The following ZNF395 variants were observed in gnomAD, a reference collection of about 807,000 sequenced individuals.
ZNF395 encodes the protein zinc finger protein 395, also known as HD gene regulatory region-binding protein 2.
ZNF395 carries 20 observed loss-of-function variants against 57.7 expected under a neutral mutation model. That is an observed-to-expected ratio of 0.35 (90% CI 0.24 to 0.50). The LOEUF (loss-of-function observed/expected upper bound fraction) is 0.50, where lower values mean the gene tolerates loss of function less well. Among genes scored for constraint, ZNF395 ranks in the 20% least tolerant of loss-of-function variants. ZNF395 has a pLI of 0.97. For missense variants in ZNF395, 606 were observed against 671.2 expected (o/e 0.90, Z 1.07); for synonymous variants, 295 against 275.9 (o/e 1.07, Z -0.69).
chr8:28,382,664 T>C (rs1802123064), intron 1 of ZNF395, among the ~76,000 whole-genome samples: 1 of 152,224 alleles, frequency 6.6e-6, no homozygotes, highest in Non-Finnish European at 1.5e-5. Context: ...TGCTCCTTAA[T>C]CAAGGTGTCT....
chr8:28,351,368 T>C (rs1359987557), intron 7 of ZNF395, 127 bp downstream of exon 7: 78 of 1,038,706 alleles, frequency 7.5e-5, no homozygotes, highest in Non-Finnish European at 5.3e-5. Context: ...TTTGTTTCCT[T>C]GTAGAAGAGA....
Position 28,350,086 on chromosome 8 carries a change from GAGGGGGCAGCAGCCC to G in ZNF395, c.1289_1303del (p.Trp430_Pro434del), listed in dbSNP as rs1439859922. 6.2e-7 allele frequency: 1 copy of G among 1,605,918 alleles called. No homozygotes were observed. The highest frequency in any genetic ancestry group is 1.1e-5 in the South Asian group (1 of 89,420). ...CACCGGAGAGAGAGAGCAGGCGGCGGAGGGGGCAGCAGCCCAGCTGACACTGGTGTAGATGTGTGG... is the reference window on the plus strand; with the variant it reads ...CACCGGAGAGAGAGAGCAGGCGGCGGAGCTGACACTGGTGTAGATGTGTGG... On this transcript the variant is annotated inframe_deletion, in exon 8 of 10. Coordinates refer to ENST00000344423, the MANE Select transcript of ZNF395 (RefSeq NM_018660.3).
intron 1 of ZNF395, among the ~76,000 whole-genome samples, chr8:28,380,817 A>T (rs1054275440): frequency 1.3e-5 from 2 of 152,172 alleles, no homozygotes; most frequent in African/African-American, 4.8e-5. Flanking sequence ...GTTAAAATGC[A>T]CTTCAGTTTC....
chr8:28,383,221 T>C (rs1270367151), intron 1 of ZNF395, among the ~76,000 whole-genome samples: 1 of 152,188 alleles, frequency 6.6e-6, no homozygotes, highest in East Asian at 1.9e-4. Flanking sequence ...CCACAACTTT[T>C]TGCAATCATC....
intron 1 of ZNF395, among the ~76,000 whole-genome samples, chr8:28,364,820 T>A (rs893702671): frequency 6.6e-6 from 1 of 152,176 alleles, no homozygotes; most frequent in African/African-American, 2.4e-5. Flanking sequence ...ATCCATTTTC[T>A]CACGTACTTT....
intron 1 of ZNF395, among the ~76,000 whole-genome samples, chr8:28,364,803 T>C (rs935293207): frequency 2.0e-5 from 3 of 152,100 alleles, no homozygotes; most frequent in African/African-American, 7.2e-5. Flanking sequence ...GATCTAAAAG[T>C]CTACACATCC....
rs949598162 is a variant in ZNF395 at position 28,360,877 on chromosome 8, C to T, written c.240+8G>A. 1.4e-5 allele frequency: 22 copies of T among 1,612,998 alleles called. No individual in the cohort carries two copies. Among genetic ancestry groups the T allele is most frequent in the African/African-American group, 2.7e-5 (2 of 74,944 alleles). On this transcript the variant is annotated splice_region_variant and intron_variant, in intron 2 of 9. Transcript: ENST00000344423. ...ACGGGACACCTGTCCATGTTGGGAT[C>T]AACCTACCTTCTGCCCAGGCTGAAA... is the stretch of plus-strand genomic sequence containing the variant.
Position 28,356,603 on chromosome 8 carries a change from C to T in ZNF395, c.583+67G>A. On this transcript the variant is annotated intron_variant, in intron 4 of 9. Coordinates refer to ENST00000344423, the MANE Select transcript of ZNF395 (RefSeq NM_018660.3). The surrounding 1 kb of genome is among the most constrained non-coding windows in gnomAD (Gnocchi z 4.0). The stretch of plus-strand genomic sequence containing the variant: ...CTGGTGACATAGGCAACTAGCTGCT[C>T]TGCACAGAGGATGTTTGTCGTGGGC... 8.0e-7 allele frequency: 1 copy of T among 1,251,264 alleles called. No individual in the cohort carries two copies. Among genetic ancestry groups the T allele is most frequent in the Non-Finnish European group, 1.1e-6 (1 of 871,488 alleles). 77.5% of individuals were successfully genotyped at this position (1,251,264 alleles called of 1,614,324 possible).
At chr8:28,376,675 A>T (rs1802044743) in intron 1 of ZNF395, among the ~76,000 whole-genome samples, 1 of 152,168 alleles carries the variant, frequency 6.6e-6, no homozygotes, top group African/African-American at 2.4e-5. Flanking sequence ...CACTATATGT[A>T]GCCCAGGGAA....
rs577239900 is a variant in ZNF395, at chr8:28,376,513, C to T, written c.-59+9880G>A. The stretch of plus-strand genomic sequence containing the variant: ...CGGGAGCCTATAATCCCAGCTACTC[C>T]GGAGGCTGAGGCAGGGAGAAATGCT... On this transcript the variant is annotated intron_variant, in intron 1 of 9. Transcript: ENST00000344423. Among the ~76,000 whole-genome samples the T allele has an allele frequency of 5.9e-5, 9 of 151,946 alleles. No homozygotes were observed. In the South Asian group the frequency reaches 8.3e-4, roughly 14 times the overall value.
Position 28,349,145 on chromosome 8 carries a change from G to T in ZNF395, c.1410C>A (p.Pro470=). Residue 470 remains proline (P), a synonymous_variant, in exon 9 of 10, where the codon CCC becomes CCA. Coordinates refer to ENST00000344423, the MANE Select transcript of ZNF395 (RefSeq NM_018660.3). Reference sequence around the variant, plus strand: ...CTCACCTGGCACCACTCTGGGCCCGGGGTGGAGAAGTGACGATCAGATGAG... The same window carrying T: ...CTCACCTGGCACCACTCTGGGCCCGTGGTGGAGAAGTGACGATCAGATGAG... ...MKSHLIVTSP[P]RAQSGARKAR... 1 of 1,565,962 alleles carries T rather than the reference G, an allele frequency of 6.4e-7. No individual in the cohort carries two copies. The highest frequency in any genetic ancestry group is 2.0e-5 in the Admixed American group (1 of 51,040).
intron 1 of ZNF395, among the ~76,000 whole-genome samples, chr8:28,366,884 C>T (rs1036186322): frequency 1.3e-4 from 19 of 149,780 alleles, no homozygotes; most frequent in Non-Finnish European, 2.7e-4. Flanking sequence ...TAGGAGAAAA[C>T]TCCTCCTGGC....
intron 4 of ZNF395, among the ~76,000 whole-genome samples, 162 bp from the exon 5 acceptor site, chr8:28,353,570 G>A (rs1801745241): frequency 6.6e-6 from 1 of 152,134 alleles, no homozygotes. Flanking sequence ...ATAGCCACCT[G>A]GTCATCACTG....
At chr8:28,375,933 T>C (rs1281519711) in intron 1 of ZNF395, among the ~76,000 whole-genome samples, 1 of 152,204 alleles carries the variant, frequency 6.6e-6, no homozygotes, top group Non-Finnish European at 1.5e-5. Context: ...GAGTTGTATA[T>C]GGCTTCCTGA....
chr8:28,349,154 A>G lies in ZNF395; in HGVS notation c.1401T>C (p.Thr467=). ...APAMKSHLIV[T]SPPRAQSGAR... is the part of the protein sequence containing the mutation. Reference sequence around the variant, plus strand: ...CACCACTCTGGGCCCGGGGTGGAGAAGTGACGATCAGATGAGATTTCATCG... The same window carrying G: ...CACCACTCTGGGCCCGGGGTGGAGAGGTGACGATCAGATGAGATTTCATCG... Residue 467 remains threonine (T), a synonymous_variant, in exon 9 of 10, where the codon ACT becomes ACC. Coordinates refer to ENST00000344423, the MANE Select transcript of ZNF395 (RefSeq NM_018660.3). The G allele has an allele frequency of 6.4e-7, 1 of 1,566,578 alleles. No individual in the cohort carries two copies. Among genetic ancestry groups the G allele is most frequent in the Non-Finnish European group, 8.6e-7 (1 of 1,157,836 alleles).
At chr8:28,383,800 C>T (rs573091350) in intron 1 of ZNF395, among the ~76,000 whole-genome samples, 2 of 152,228 alleles carry the variant, frequency 1.3e-5, no homozygotes, top group African/African-American at 2.4e-5. Context: ...CCCTGGGCTC[C>T]CCCATCTCAG....
intron 1 of ZNF395, among the ~76,000 whole-genome samples, chr8:28,382,357 T>C (rs1432372076): frequency 2.0e-5 from 3 of 152,206 alleles, no homozygotes; most frequent in African/African-American, 7.2e-5. Flanking sequence ...TTACAACCTT[T>C]GCCCTATATG....
At position 28,356,559 on chromosome 8, in the gene ZNF395, T is replaced by C; in HGVS notation, c.583+111A>G. On this transcript the variant is annotated intron_variant, in intron 4 of 9. Coordinates refer to ENST00000344423, the MANE Select transcript of ZNF395 (RefSeq NM_018660.3). This position sits in a 1 kb window ranked among gnomAD's most constrained non-coding sequence, Gnocchi z 4.0. ...CAGAGGTGCCAGTGGGAGGTGTCCC[T>C]GGACATTCTATTGCCAGGCTGGTGA... 1.4e-6 allele frequency: 1 copy of C among 726,216 alleles called. No homozygotes were observed. Among genetic ancestry groups the C allele is most frequent in the Non-Finnish European group, 2.3e-6 (1 of 434,820 alleles). The allele number at this position is 726,216 out of a possible 1,614,324, so 45.0% of individuals were successfully genotyped here.
intron 7 of ZNF395, chr8:28,351,270 C>A: frequency 2.1e-6 from 1 of 486,290 alleles, no homozygotes. Flanking sequence ...AGGGATTTAG[C>A]TAGATTCCTA....
Sources: allele counts gnomAD v4.1 joint callset (sites outside exome capture counted in the v4.1 genomes callset), GRCh38; gene constraint gnomAD v4.1.1; non-coding constraint Gnocchi (gnomAD v3.1); transcripts MANE v1.5; gene names NCBI Gene and HGNC (gene_info 2026-07-23, HGNC 2026-07-21).